The following CD99L2 variants were observed in gnomAD, a reference collection of about 807,000 sequenced individuals.
CD99L2 encodes the protein CD99 antigen-like protein 2.
CD99L2 carries 24 observed loss-of-function variants against 27.3 expected under a neutral mutation model. The ratio of observed to expected loss-of-function variants is 0.88; its 90% CI spans 0.64 to 1.24. CD99L2 has a LOEUF of 1.24. CD99L2 is among the 50% of genes most tolerant of loss of function. The probability of loss-of-function intolerance (pLI) is 0.00; values close to 1 mark genes in which losing one functional copy is unlikely to be tolerated. For synonymous variants in CD99L2, 97 were observed against 87.9 expected, an observed-to-expected ratio of 1.10 and a Z score of -0.58; for missense variants, 255 against 221.6, an observed-to-expected ratio of 1.15 and a Z score of -0.96.
At chrX:150,786,259 GGTTT>G (rs2045593410) in intron 7 of CD99L2, among the ~76,000 whole-genome samples, 1 of 110,431 alleles carries the variant, frequency 9.1e-6, no homozygotes, top group Non-Finnish European at 1.9e-5. Context: ...TACATGTGCA[GGTTT>G]GTTATACAGG....
intron 7 of CD99L2, among the ~76,000 whole-genome samples, chrX:150,787,870 T>C (rs1407367597): frequency 1.1e-5 from 1 of 91,279 alleles, no homozygotes; most frequent in Non-Finnish European, 2.1e-5. Context: ...GTTGTGTACA[T>C]GTACCCTAGA....
At chrX:150,802,381 T>C (rs1338038087) in intron 4 of CD99L2, among the ~76,000 whole-genome samples, 1 of 108,530 alleles carries the variant, frequency 9.2e-6, no homozygotes, top group East Asian at 3.0e-4. Flanking sequence ...CTGGGCAACA[T>C]GGTGAAATCC....
intron 1 of CD99L2, among the ~76,000 whole-genome samples, chrX:150,848,120 C>T (rs192252617): frequency 6.0e-4 from 65 of 107,752 alleles, no homozygotes; most frequent in Middle Eastern, 9.4e-3. Flanking sequence ...GGCCCCCCCC[C>T]CCTTGTACTA....
chrX:150,824,668 GGAAGAGGAAGAAGAA>G (rs1365596430), intron 2 of CD99L2, among the ~76,000 whole-genome samples: 4 of 63,698 alleles, frequency 6.3e-5, no homozygotes, highest in Admixed American at 1.8e-4. Context: ...AAGAAGAAGA[GGAAGAGGAAGAAGAA>G]GAAGAGGAAG....
intron 1 of CD99L2, among the ~76,000 whole-genome samples, chrX:150,881,815 ATTTTT>A (rs59133869): frequency 1.1e-5 from 1 of 89,398 alleles, no homozygotes; most frequent in Non-Finnish European, 2.2e-5. Flanking sequence ...ACTCTTTCCA[ATTTTT>A]TTTTTTTTTT....
At chrX:150,883,094 C>T (rs1175946295) in intron 1 of CD99L2, among the ~76,000 whole-genome samples, 2 of 111,682 alleles carry the variant, frequency 1.8e-5, no homozygotes, top group Admixed American at 9.5e-5. Flanking sequence ...CACTTGAAGC[C>T]GGGAGAATCG....
In CD99L2 at chrX:150,868,873, G is replaced by A. The variant is rs895516741; in HGVS notation, c.67+29649C>T. Among the ~76,000 whole-genome samples the A allele has an allele frequency of 9.8e-5, 11 of 111,686 alleles. No homozygotes were observed. The South Asian group carries it at 1.1e-3, about 11-fold the overall frequency. On this transcript the variant is annotated intron_variant, in intron 1 of 10. Coordinates refer to ENST00000370377, the MANE Select transcript of CD99L2 (RefSeq NM_031462.4). Reference sequence around the variant, plus strand: ...ATGGAAGCATACTTGTGATGGCCTCGTGGCAGAAGATGATTAAAACTGAGT... The same window carrying A: ...ATGGAAGCATACTTGTGATGGCCTCATGGCAGAAGATGATTAAAACTGAGT...
intron 4 of CD99L2, among the ~76,000 whole-genome samples, chrX:150,800,433 A>G (rs1557420051): frequency 4.5e-5 from 5 of 112,201 alleles, no homozygotes. Flanking sequence ...TAATACAACT[A>G]TAAAAATAAT....
At chrX:150,898,096 C>G (rs2124405893) in intron 1 of CD99L2, among the ~76,000 whole-genome samples, 1 of 95,410 alleles carries the variant, frequency 1.0e-5, no homozygotes, top group African/African-American at 3.9e-5. Context: ...GCTGTGATCC[C>G]GATGAAAGGG....
chrX:150,846,720 CTCTAA>C (rs1254786165), intron 1 of CD99L2, among the ~76,000 whole-genome samples: 1 of 111,443 alleles, frequency 9.0e-6, no homozygotes, highest in Non-Finnish European at 1.9e-5. Flanking sequence ...AAAAGCCACA[CTCTAA>C]TCTAAACTCA....
intron 1 of CD99L2, among the ~76,000 whole-genome samples, chrX:150,837,129 C>G (rs2046543528): frequency 8.9e-6 from 1 of 112,224 alleles, no homozygotes; most frequent in African/African-American, 3.2e-5. Context: ...GTCTTCGTCT[C>G]TAATCCTACT....
intron 4 of CD99L2, among the ~76,000 whole-genome samples, chrX:150,805,822 T>C (rs1557420215): frequency 8.9e-6 from 1 of 111,938 alleles, no homozygotes; most frequent in South Asian, 3.7e-4. Context: ...ATTCCATTTT[T>C]GAAATTGCCA....
chrX:150,829,882 C>T (rs782127414), intron 2 of CD99L2, among the ~76,000 whole-genome samples: 23 of 111,329 alleles, frequency 2.1e-4, no homozygotes, highest in Admixed American at 1.9e-4. Flanking sequence ...GGAGGCCAGG[C>T]GTGGTGGCTC....
intron 1 of CD99L2, among the ~76,000 whole-genome samples, chrX:150,894,251 G>A (rs1246872327): frequency 8.9e-6 from 1 of 111,761 alleles, no homozygotes; most frequent in Non-Finnish European, 1.9e-5. Context: ...GCCTTTCAAG[G>A]TTTGCATCAC....
intron 1 of CD99L2, among the ~76,000 whole-genome samples, chrX:150,887,172 G>A (rs1250423135): frequency 9.2e-6 from 1 of 108,749 alleles, no homozygotes; most frequent in Non-Finnish European, 1.9e-5. Context: ...AAGGCCAGGT[G>A]TGGTGGCTCA....
intron 1 of CD99L2, among the ~76,000 whole-genome samples, chrX:150,895,299 G>A (rs2047588442): frequency 1.8e-5 from 2 of 111,779 alleles, no homozygotes; most frequent in East Asian, 2.8e-4. Context: ...GCACATACAG[G>A]CAGCATACCT....
intron 1 of CD99L2, among the ~76,000 whole-genome samples, chrX:150,846,044 G>A (rs934253831): frequency 1.8e-5 from 2 of 111,140 alleles, no homozygotes; most frequent in African/African-American, 6.5e-5. Context: ...TACAAAAAAT[G>A]AGCCAGGCAT....
intron 1 of CD99L2, among the ~76,000 whole-genome samples, chrX:150,890,161 A>C (rs1054299452): frequency 9.5e-6 from 1 of 105,007 alleles, no homozygotes; most frequent in Non-Finnish European, 1.9e-5. Context: ...AAAATAAATA[A>C]ATAAATAAAT....
chrX:150,879,478 C>G (rs782277402), intron 1 of CD99L2, among the ~76,000 whole-genome samples: 2 of 110,957 alleles, frequency 1.8e-5, no homozygotes, highest in Admixed American at 9.6e-5. Context: ...AAGTACCTGG[C>G]AACAGATAAA....
Sources: allele counts gnomAD v4.1 joint callset (sites outside exome capture counted in the v4.1 genomes callset), GRCh38; gene constraint gnomAD v4.1.1; transcripts MANE v1.5; gene names NCBI Gene and HGNC (gene_info 2026-07-23, HGNC 2026-07-21).